Variants in ZBTB16 observed in about 807,000 individuals in gnomAD.
ZBTB16 encodes zinc finger and BTB domain-containing protein 16.
ZBTB16 carries 8 observed loss-of-function variants against 56.8 expected under a neutral mutation model. The ratio of observed to expected loss-of-function variants is 0.14; its 90% CI spans 0.08 to 0.25. The LOEUF (loss-of-function observed/expected upper bound fraction) is 0.25, where lower values mean the gene tolerates loss of function less well. Ranked by LOEUF, ZBTB16 falls within the 10% of genes least tolerant of loss-of-function variation. The pLI is 1.00. For synonymous variants in ZBTB16, 363 were observed against 368.5 expected (o/e 0.98, Z 0.17); for missense variants, 625 against 903.0 (o/e 0.69, Z 3.95).
chr11:114,163,677 G>A (rs1942661158), intron 3 of ZBTB16, among the ~76,000 whole-genome samples: 1 of 152,088 alleles, frequency 6.6e-6, no homozygotes, highest in South Asian at 2.1e-4. Context: ...TACAGCCCCT[G>A]TGTGAAGAGG....
At chr11:114,088,437 C>T (rs554792765) in intron 2 of ZBTB16, among the ~76,000 whole-genome samples, 5 of 152,240 alleles carry the variant, frequency 3.3e-5, no homozygotes, top group East Asian at 1.9e-4. Context: ...TCACTGTGCC[C>T]GGCCTGGATC....
At chr11:114,240,796 G>A (rs1360515049) in intron 4 of ZBTB16, among the ~76,000 whole-genome samples, 2 of 152,182 alleles carry the variant, frequency 1.3e-5, no homozygotes, top group Non-Finnish European at 2.9e-5. Flanking sequence ...GGGTACTTTG[G>A]GGATGAACAG....
intron 4 of ZBTB16, among the ~76,000 whole-genome samples, chr11:114,234,177 A>G (rs972925062): frequency 6.6e-6 from 1 of 152,210 alleles, no homozygotes; most frequent in East Asian, 1.9e-4. Context: ...CTACGCAGAT[A>G]AGAAAGGAAG....
intron 4 of ZBTB16, chr11:114,187,553 G>A (rs1197584948): frequency 1.1e-5 from 2 of 186,964 alleles, no homozygotes; most frequent in Non-Finnish European, 2.3e-5. Context: ...CAAAGGGATT[G>A]ATTTCACCGC....
intron 2 of ZBTB16, among the ~76,000 whole-genome samples, chr11:114,072,161 C>T (rs1263298775): frequency 6.6e-6 from 1 of 152,206 alleles, no homozygotes; most frequent in Non-Finnish European, 1.5e-5. Flanking sequence ...CTGCTTTCTC[C>T]CTGAGACCGT....
chr11:114,201,654 A>G (rs1229913548), intron 4 of ZBTB16, among the ~76,000 whole-genome samples: 1 of 152,218 alleles, frequency 6.6e-6, no homozygotes, highest in Non-Finnish European at 1.5e-5. Flanking sequence ...GATGTCCATG[A>G]TGTTTTGCAT....
intron 4 of ZBTB16, among the ~76,000 whole-genome samples, chr11:114,229,221 A>G (rs898384331): frequency 1.3e-5 from 2 of 152,236 alleles, no homozygotes; most frequent in Non-Finnish European, 2.9e-5. Flanking sequence ...ATCAGACTGC[A>G]TTTTAAATGC....
At position 114,212,481 on chromosome 11, in the gene ZBTB16, A is replaced by C. The variant is rs142467614; in HGVS notation, c.1453+25443A>C. Among the ~76,000 whole-genome samples the C allele has an allele frequency of 5.9e-5, 9 of 152,284 alleles. 1 individual carries two copies. The highest frequency in any genetic ancestry group is 1.3e-4 in the Non-Finnish European group (9 of 68,016). Reference sequence around the variant, plus strand: ...TCCTTTAACATAGCCACACAAATTTAGAAAGGGACTTGGGGATTCTCTGCT... The same window carrying C: ...TCCTTTAACATAGCCACACAAATTTCGAAAGGGACTTGGGGATTCTCTGCT... On this transcript the variant is annotated intron_variant, in intron 4 of 6. Transcript: ENST00000335953.
intron 4 of ZBTB16, among the ~76,000 whole-genome samples, chr11:114,240,606 G>C (rs974805953): frequency 6.6e-6 from 1 of 152,188 alleles, no homozygotes; most frequent in African/African-American, 2.4e-5. Flanking sequence ...GCCTGCCGGG[G>C]AGCTCCTGTG....
chr11:114,210,198 C>CGT lies in ZBTB16; in HGVS notation c.1453+23161_1453+23162insTG, dbSNP rs1555156006. On this transcript the variant is annotated intron_variant, in intron 4 of 6. Coordinates refer to ENST00000335953, the MANE Select transcript of ZBTB16 (RefSeq NM_006006.6). ...GTGTGTGTGTGTGTGTGTGTGCGTG[C>CGT]GCGCGCGTGCACAGTTTGTGAGTGT... 5.2e-3 allele frequency among the ~76,000 whole-genome samples: 656 copies of CGT among 126,400 alleles called. 1 individual carries two copies. The highest frequency in any genetic ancestry group is 0.018 in the African/African-American group (615 of 33,730). The allele number at this position is 126,400 out of a possible 152,430, so 82.9% of individuals were successfully genotyped here.
At position 114,256,022 on chromosome 11, in the gene ZBTB16, G is replaced by GTT. The variant is rs61107073; in HGVS notation, c.*5478_*5479dup. ...TTATTGAAGTACTTGGTTTTGTTTT[G>GTT]TTTTTTTTTTTTGTTTTTTTTGCCT... On this transcript the variant is annotated 3_prime_UTR_variant, in exon 7 of 7. Coordinates refer to ENST00000335953, the MANE Select transcript of ZBTB16 (RefSeq NM_006006.6). 0.047 allele frequency among the ~76,000 whole-genome samples: 6,722 copies of GTT among 142,872 alleles called. 179 individuals carry two copies. Among genetic ancestry groups the GTT allele is most frequent in the East Asian group, 0.11 (515 of 4,888 alleles). The allele number at this position is 142,872 out of a possible 152,430, so 93.7% of individuals were successfully genotyped here.
At chr11:114,187,114 C>G in intron 4 of ZBTB16, 76 bp downstream of exon 4, 1 of 1,454,296 alleles carries the variant, frequency 6.9e-7, no homozygotes, top group Middle Eastern at 1.7e-4. Flanking sequence ...GTCTGGGTGG[C>G]AACCTCTTTT....
chr11:114,214,727 G>T (rs1342199034), intron 4 of ZBTB16, among the ~76,000 whole-genome samples: 1 of 152,056 alleles, frequency 6.6e-6, no homozygotes, highest in Non-Finnish European at 1.5e-5. Context: ...CTTTAGCCTC[G>T]TGAGTAGCTG....
chr11:114,139,459 G>C (rs770706774), intron 2 of ZBTB16, among the ~76,000 whole-genome samples: 1 of 152,136 alleles, frequency 6.6e-6, no homozygotes, highest in Non-Finnish European at 1.5e-5. Context: ...TACTATAATA[G>C]TTTCTTGACG....
intron 2 of ZBTB16, among the ~76,000 whole-genome samples, chr11:114,080,917 G>C (rs188006255): frequency 3.3e-5 from 5 of 152,310 alleles, no homozygotes; most frequent in African/African-American, 9.6e-5. Context: ...CTTTGCAGGC[G>C]TGGGCTCTCA....
rs1322347159 is a variant in ZBTB16, at chr11:114,168,474, G to GTTC, written c.1366+12041_1366+12042insTCT. On this transcript the variant is annotated intron_variant, in intron 3 of 6. Coordinates refer to ENST00000335953, the MANE Select transcript of ZBTB16 (RefSeq NM_006006.6). Reference sequence around the variant, plus strand: ...TGAAACTTGCTGTGTTCCAGGCACAGTGCTATGTGTTCTGCATATCTGAAC... The same window carrying GTTC: ...TGAAACTTGCTGTGTTCCAGGCACAGTTCTGCTATGTGTTCTGCATATCTGAAC... 5.9e-5 allele frequency among the ~76,000 whole-genome samples: 9 copies of GTTC among 152,350 alleles called. No individual in the cohort carries two copies. In the East Asian group the frequency reaches 1.4e-3, roughly 23 times the overall value.
chr11:114,073,725 C>A (rs912370344), intron 2 of ZBTB16, among the ~76,000 whole-genome samples: 4 of 152,138 alleles, frequency 2.6e-5, no homozygotes, highest in Admixed American at 6.6e-5. Context: ...TGGGGTGTTA[C>A]TGAGAAAGTT....
intron 2 of ZBTB16, among the ~76,000 whole-genome samples, chr11:114,137,360 C>A (rs1006817524): frequency 6.6e-6 from 1 of 152,188 alleles, no homozygotes; most frequent in African/African-American, 2.4e-5. Flanking sequence ...GGAGGAAGAG[C>A]TCTCCAAAAT....
intron 2 of ZBTB16, among the ~76,000 whole-genome samples, chr11:114,119,532 G>C (rs1941283115): frequency 6.6e-6 from 1 of 152,146 alleles, no homozygotes; most frequent in Admixed American, 6.5e-5. Context: ...AAACTGGAAA[G>C]AGAAAGTACG....
Sources: allele counts gnomAD v4.1 joint callset (sites outside exome capture counted in the v4.1 genomes callset), GRCh38; gene constraint gnomAD v4.1.1; transcripts MANE v1.5; gene names NCBI Gene and HGNC (gene_info 2026-07-23, HGNC 2026-07-21).